Variants in TSPAN5 observed in about 807,000 individuals in gnomAD.
TSPAN5 encodes tetraspanin-5.
Under a neutral mutation model 37.1 loss-of-function variants are expected in TSPAN5, and 10 were observed. The ratio of observed to expected loss-of-function variants is 0.27; its 90% confidence interval spans 0.17 to 0.46. The LOEUF is 0.46. Ranked by LOEUF, TSPAN5 falls within the 20% of genes least tolerant of loss-of-function variation. The probability of loss-of-function intolerance (pLI) is 1.00; values close to 1 mark genes in which losing one functional copy is unlikely to be tolerated. For synonymous variants in TSPAN5, 110 were observed against 118.9 expected (o/e 0.93, Z 0.48); for missense variants, 195 against 326.6 (o/e 0.60, Z 3.11).
chr4:98,644,124 T>A lies in TSPAN5; in HGVS notation c.81+14022A>T, dbSNP rs145337389. 6.8e-3 allele frequency among the ~76,000 whole-genome samples: 1,040 copies of A among 152,328 alleles called. 13 individuals are homozygous for A. The highest frequency in any genetic ancestry group is 0.023 in the African/African-American group (975 of 41,564). On this transcript the variant is annotated intron_variant, in intron 1 of 7. Coordinates refer to ENST00000305798, the MANE Select transcript of TSPAN5 (RefSeq NM_005723.4). ...CTAAAGGAGATTTATTGATTTATTT[T>A]TTTTTTCTGGTTGTGTGAAATTGAT...
rs1752587615 is a variant in TSPAN5 at position 98,471,707 on chromosome 4, C to G, written c.*815G>C. ...AGAATATTCCAGAGTTTCCAAAAAT[C>G]CAACTGCTAATTTTGGCAGGGTGAG... is the stretch of plus-strand genomic sequence containing the variant. On this transcript the variant is annotated 3_prime_UTR_variant, in exon 8 of 8. Coordinates refer to ENST00000305798, the MANE Select transcript of TSPAN5 (RefSeq NM_005723.4). The G allele has an allele frequency of 6.6e-6, 1 of 152,126 alleles. No homozygotes were observed. Among genetic ancestry groups the G allele is most frequent in the Admixed American group, 6.5e-5 (1 of 15,274 alleles). 9.4% of individuals were successfully genotyped at this position (152,126 alleles called of 1,614,324 possible). A position where few individuals can be genotyped will look rare whatever the true frequency, so the allele number is the denominator to read the frequency against.
At chr4:98,567,906 C>T (rs1755042688) in intron 1 of TSPAN5, among the ~76,000 whole-genome samples, 1 of 145,180 alleles carries the variant, frequency 6.9e-6, no homozygotes. Context: ...CTCATCTGGT[C>T]TCCATCAGTC....
At position 98,547,417 on chromosome 4, in the gene TSPAN5, G is replaced by A. The variant is rs565328909; in HGVS notation, c.82-39689C>T. On this transcript the variant is annotated intron_variant, in intron 1 of 7. Transcript: ENST00000305798. The stretch of plus-strand genomic sequence containing the variant: ...CATCATTAACTGTCGGACTGGCAGA[G>A]CAGAGGAAGTCCATTTTATTAGAGG... 2.6e-5 allele frequency among the ~76,000 whole-genome samples: 4 copies of A among 152,230 alleles called. No homozygotes were observed. The South Asian group carries it at 8.3e-4, about 32-fold the overall frequency.
chr4:98,506,402 C>T (rs1753477840), intron 2 of TSPAN5, among the ~76,000 whole-genome samples: 1 of 152,196 alleles, frequency 6.6e-6, no homozygotes, highest in Admixed American at 6.5e-5. Context: ...TCCAGGTAGC[C>T]TCAGTTACTC....
At chr4:98,628,523 A>G (rs973945415) in intron 1 of TSPAN5, among the ~76,000 whole-genome samples, 26 of 152,178 alleles carry the variant, frequency 1.7e-4, no homozygotes, top group African/African-American at 6.3e-4. Flanking sequence ...CATTTTTTAA[A>G]TATGAAGTTC....
chr4:98,514,672 C>T (rs1018473772), intron 1 of TSPAN5, among the ~76,000 whole-genome samples: 2 of 152,168 alleles, frequency 1.3e-5, no homozygotes, highest in Admixed American at 1.3e-4. Flanking sequence ...GGCCCGAGTG[C>T]ACTCTGCCTG....
intron 2 of TSPAN5, among the ~76,000 whole-genome samples, chr4:98,495,756 G>A (rs192616946): frequency 1.5e-3 from 225 of 151,998 alleles, no homozygotes; most frequent in African/African-American, 5.2e-3. Flanking sequence ...TAAACTTCAG[G>A]AGTGTCTGTG....
chr4:98,549,554 C>A (rs1314069449), intron 1 of TSPAN5, among the ~76,000 whole-genome samples: 1 of 151,762 alleles, frequency 6.6e-6, no homozygotes, highest in Non-Finnish European at 1.5e-5. Flanking sequence ...CCACCTCAGT[C>A]TCCCAAAGTA....
rs528604659 is a variant in TSPAN5 at position 98,478,873 on chromosome 4, C to T, written c.451-63G>A. The T allele has an allele frequency of 3.0e-5, 48 of 1,589,550 alleles. No individual in the cohort carries two copies. The Admixed American group carries it at 5.7e-4, about 19-fold the overall frequency. ...GGAGGCAAGCAGTCACCTACACTCA[C>T]ACCCGCCGAACGACACCAGCTTCTG... is the stretch of plus-strand genomic sequence containing the variant. On this transcript the variant is annotated intron_variant, in intron 4 of 7. Transcript: ENST00000305798.
At chr4:98,648,239 G>A (rs1027188442) in intron 1 of TSPAN5, among the ~76,000 whole-genome samples, 3 of 152,182 alleles carry the variant, frequency 2.0e-5, no homozygotes, top group Admixed American at 6.5e-5. Flanking sequence ...AGACCTTGAC[G>A]CAGAAAGCAA....
chr4:98,484,342 C>T, intron 3 of TSPAN5: 1 of 423,326 alleles, frequency 2.4e-6, no homozygotes, highest in Non-Finnish European at 4.6e-6. Flanking sequence ...CTAGGGGAAT[C>T]AGATCTTTAG....
intron 1 of TSPAN5, among the ~76,000 whole-genome samples, chr4:98,572,840 A>G (rs949780321): frequency 2.0e-5 from 3 of 152,218 alleles, no homozygotes; most frequent in Admixed American, 2.0e-4. Context: ...GAACATGTTT[A>G]CCTAGTGTGA....
chr4:98,500,255 G>A (rs1161593425), intron 2 of TSPAN5: 2 of 152,134 alleles, frequency 1.3e-5, no homozygotes, highest in Non-Finnish European at 1.5e-5. Context: ...TCGGCAAATA[G>A]GGAAAGGTTT....
chr4:98,472,696 T>A, intron 7 of TSPAN5, 109 bp from the exon 8 acceptor site: 1 of 904,744 alleles, frequency 1.1e-6, no homozygotes, highest in Non-Finnish European at 1.7e-6. Context: ...AAGATGTAAT[T>A]CATATGTGGT....
rs562754144 is a variant in TSPAN5 at position 98,632,358 on chromosome 4, C to T, written c.81+25788G>A. 9.9e-5 allele frequency among the ~76,000 whole-genome samples: 15 copies of T among 152,274 alleles called. No individual in the cohort carries two copies. The South Asian group carries it at 3.1e-3, about 32-fold the overall frequency. The stretch of plus-strand genomic sequence containing the variant: ...ACAGCTCCCCTCTGACCCCCCGACC[C>T]TGGAACCAGGCTCTCCCACTCTGGG... On this transcript the variant is annotated intron_variant, in intron 1 of 7. Transcript: ENST00000305798.
At chr4:98,648,005 T>C (rs1757105599) in intron 1 of TSPAN5, among the ~76,000 whole-genome samples, 1 of 151,398 alleles carries the variant, frequency 6.6e-6, no homozygotes, top group Non-Finnish European at 1.5e-5. Flanking sequence ...TCAAAGGGGG[T>C]GAAGGAAAAA....
At chr4:98,546,022 T>TTAAAA (rs56314339) in intron 1 of TSPAN5, among the ~76,000 whole-genome samples, 89,176 of 151,566 alleles carry the variant, frequency 0.59, 26,593 homozygotes, top group South Asian at 0.75. Context: ...GTATTGTGTC[T>TTAAAA]TAATAGATGT....
At chr4:98,618,844 T>C (rs1007753319) in intron 1 of TSPAN5, among the ~76,000 whole-genome samples, 2 of 152,132 alleles carry the variant, frequency 1.3e-5, no homozygotes, top group Non-Finnish European at 2.9e-5. Flanking sequence ...GACAGGGAAA[T>C]TGGCACTCAT....
At chr4:98,531,152 T>C (rs1287700818) in intron 1 of TSPAN5, among the ~76,000 whole-genome samples, 1 of 152,226 alleles carries the variant, frequency 6.6e-6, no homozygotes, top group African/African-American at 2.4e-5. Context: ...ACACATGCCA[T>C]GGTGGTTTGC....
Sources: gnomAD v4.1 joint callset for allele counts (sites outside exome capture counted in the v4.1 genomes callset) on GRCh38, gnomAD v4.1.1 for gene constraint, MANE v1.5 for transcripts, NCBI Gene and HGNC (gene_info 2026-07-23, HGNC 2026-07-21) for gene names.